Variants in NTN4 observed in about 807,000 individuals in gnomAD.
NTN4 encodes the protein netrin 4.
In NTN4, 32 loss-of-function variants were observed where a neutral mutation model predicts 73.6. The ratio of observed to expected loss-of-function variants is 0.44; its 90% CI spans 0.33 to 0.58. The LOEUF (loss-of-function observed/expected upper bound fraction) is 0.58. Among genes scored for constraint, NTN4 ranks in the 20% least tolerant of loss-of-function variants. The pLI, the probability that NTN4 is intolerant of heterozygous loss-of-function variation, is 0.04. For synonymous variants in NTN4, 258 were observed against 287.5 expected, an observed-to-expected ratio of 0.90 and a Z score of 1.04; for missense variants, 654 against 798.3, an observed-to-expected ratio of 0.82 and a Z score of 2.18.
intron 9 of NTN4, chr12:95,663,694 C>T (rs1181914565): frequency 6.6e-6 from 1 of 152,022 alleles, no homozygotes; most frequent in Non-Finnish European, 1.5e-5. Context: ...TTGGCAAGTT[C>T]CAGTCTTTTC....
intron 3 of NTN4, among the ~76,000 whole-genome samples, chr12:95,731,164 G>A (rs2121152806): frequency 6.6e-6 from 1 of 152,308 alleles, no homozygotes; most frequent in South Asian, 2.1e-4. Context: ...TGGTGACATT[G>A]AAATGTAGAG....
intron 5 of NTN4, among the ~76,000 whole-genome samples, chr12:95,706,741 C>T (rs957225012): frequency 6.6e-6 from 1 of 152,058 alleles, no homozygotes; most frequent in Non-Finnish European, 1.5e-5. Flanking sequence ...GTTTGCTACA[C>T]AAGCACATAG....
At chr12:95,676,359 G>A (rs1001437939) in intron 7 of NTN4, among the ~76,000 whole-genome samples, 2 of 151,754 alleles carry the variant, frequency 1.3e-5, no homozygotes, top group Non-Finnish European at 2.9e-5. Context: ...CACCCACTTC[G>A]GCCTCCCAAA....
At chr12:95,769,986 A>G (rs2079046354) in intron 2 of NTN4, among the ~76,000 whole-genome samples, 2 of 151,954 alleles carry the variant, frequency 1.3e-5, no homozygotes, top group African/African-American at 4.8e-5. Flanking sequence ...TGAACTCCTG[A>G]CCTCAGGTGA....
intron 8 of NTN4, among the ~76,000 whole-genome samples, chr12:95,667,900 T>C (rs2078195060): frequency 7.2e-6 from 1 of 138,610 alleles, no homozygotes; most frequent in Non-Finnish European, 1.6e-5. Context: ...ATAAAACAAA[T>C]AAATAAAGTG....
At chr12:95,691,322 T>C (rs1485403504) in intron 5 of NTN4, among the ~76,000 whole-genome samples, 1 of 86,566 alleles carries the variant, frequency 1.2e-5, no homozygotes, top group Non-Finnish European at 2.8e-5. Context: ...ACCCAAGAAC[T>C]TATTTTTTCA....
At chr12:95,783,918 G>T (rs2079149306) in intron 2 of NTN4, among the ~76,000 whole-genome samples, 1 of 152,132 alleles carries the variant, frequency 6.6e-6, no homozygotes, top group Non-Finnish European at 1.5e-5. Flanking sequence ...GATGGAGGTG[G>T]CTGACTCTTT....
chr12:95,770,704 A>T (rs1399303183), intron 2 of NTN4, among the ~76,000 whole-genome samples: 1 of 152,256 alleles, frequency 6.6e-6, no homozygotes, highest in Non-Finnish European at 1.5e-5. Context: ...TCAACTTTAA[A>T]ACAGAGAAGC....
At chr12:95,765,393 G>A (rs7133418) in intron 2 of NTN4, among the ~76,000 whole-genome samples, 85,418 of 151,500 alleles carry the variant, frequency 0.56, 24,308 homozygotes, top group East Asian at 0.68. Context: ...TTGTGTTCAC[G>A]TTATCTACTA....
At chr12:95,731,396 C>T (rs2078736057) in intron 3 of NTN4, among the ~76,000 whole-genome samples, 1 of 152,018 alleles carries the variant, frequency 6.6e-6, no homozygotes, top group African/African-American at 2.4e-5. Flanking sequence ...GGTGAAACCC[C>T]ATCTCTACTA....
intron 2 of NTN4, among the ~76,000 whole-genome samples, chr12:95,777,953 C>T (rs1353716161): frequency 6.6e-6 from 1 of 152,118 alleles, no homozygotes; most frequent in African/African-American, 2.4e-5. Context: ...GAAATTATAA[C>T]AAACTGTCTC....
chr12:95,690,228 T>C (rs1489646584), intron 5 of NTN4, among the ~76,000 whole-genome samples: 1 of 152,230 alleles, frequency 6.6e-6, no homozygotes, highest in Non-Finnish European at 1.5e-5. Context: ...ATAATGTGTA[T>C]ATTTAAGGCA....
intron 2 of NTN4, 125 bp downstream of exon 2, chr12:95,786,814 A>G (rs2079170401): frequency 1.3e-6 from 1 of 751,388 alleles, no homozygotes; most frequent in Non-Finnish European, 2.1e-6. Flanking sequence ...TGACAAATAA[A>G]TCTCATGAAA....
chr12:95,718,198 T>C (rs1342916349), intron 3 of NTN4, among the ~76,000 whole-genome samples: 2 of 152,296 alleles, frequency 1.3e-5, no homozygotes, highest in Admixed American at 1.3e-4. Flanking sequence ...CATAAGAATT[T>C]AGGTCAGGGG....
intron 3 of NTN4, among the ~76,000 whole-genome samples, chr12:95,721,295 G>A (rs1356392599): frequency 1.3e-5 from 2 of 152,108 alleles, no homozygotes; most frequent in East Asian, 1.9e-4. Flanking sequence ...ATGGATTATC[G>A]GTTCTATTCC....
At chr12:95,759,663 T>C (rs12833182) in intron 2 of NTN4, among the ~76,000 whole-genome samples, 32,457 of 151,942 alleles carry the variant, frequency 0.21, 4,111 homozygotes, top group Non-Finnish European at 0.29. Flanking sequence ...GGTTTTACCA[T>C]GTTGGCCAGG....
intron 9 of NTN4, among the ~76,000 whole-genome samples, chr12:95,660,889 C>A (rs2120904659): frequency 6.6e-6 from 1 of 152,196 alleles, no homozygotes; most frequent in East Asian, 1.9e-4. Flanking sequence ...AACAACCATA[C>A]AGGCCTCTTG....
intron 3 of NTN4, among the ~76,000 whole-genome samples, chr12:95,732,611 C>T (rs1403702386): frequency 6.6e-6 from 1 of 151,952 alleles, no homozygotes; most frequent in Non-Finnish European, 1.5e-5. Context: ...CCGTGTTGGC[C>T]GGGCAGATCA....
intron 7 of NTN4, among the ~76,000 whole-genome samples, chr12:95,675,924 A>T (rs940224461): frequency 6.6e-6 from 1 of 152,168 alleles, no homozygotes; most frequent in African/African-American, 2.4e-5. Context: ...ACTATTATTC[A>T]TGGCCACTTG....
Sources: gnomAD v4.1 joint callset for allele counts (sites outside exome capture counted in the v4.1 genomes callset) on GRCh38, gnomAD v4.1.1 for gene constraint, MANE v1.5 for transcripts, NCBI Gene and HGNC (gene_info 2026-07-23, HGNC 2026-07-21) for gene names.